HACD2: variants seen among roughly 807,000 people sequenced by gnomAD.
HACD2 encodes 3-hydroxyacyl-CoA dehydratase 2, also known as very-long-chain (3R)-3-hydroxyacyl-CoA dehydratase 2.
A neutral mutation model predicts 31.0 loss-of-function variants in HACD2; 15 were observed. That is an observed-to-expected ratio of 0.48 (90% CI 0.32 to 0.75). HACD2 has a LOEUF of 0.75. HACD2 is among the 30% of genes least tolerant of loss of function. The pLI is 0.03. For synonymous variants in HACD2, 115 were observed against 122.2 expected (o/e 0.94, Z 0.39); for missense variants, 283 against 313.0 (o/e 0.90, Z 0.72).
intron 3 of HACD2, among the ~76,000 whole-genome samples, chr3:123,532,035 G>C (rs1324012900): frequency 1.3e-5 from 2 of 152,100 alleles, no homozygotes; most frequent in African/African-American, 4.8e-5. Context: ...GAAATGTATT[G>C]CCAAACTGCT....
chr3:123,523,928 C>CT (rs2056248646), intron 4 of HACD2, among the ~76,000 whole-genome samples: 1 of 152,228 alleles, frequency 6.6e-6, no homozygotes, highest in Admixed American at 6.5e-5. Flanking sequence ...TCTTCCTCTG[C>CT]TTTAAGGCAG....
At chr3:123,514,311 A>T (rs1407765261) in intron 4 of HACD2, among the ~76,000 whole-genome samples, 1 of 152,088 alleles carries the variant, frequency 6.6e-6, no homozygotes, top group Non-Finnish European at 1.5e-5. Context: ...AGGAAACGAA[A>T]CAAATGAAGT....
Position 123,543,461 on chromosome 3 carries a change from T to C in HACD2, c.293-14987A>G, listed in dbSNP as rs1303951288. 3.4e-4 allele frequency among the ~76,000 whole-genome samples: 52 copies of C among 152,070 alleles called. 1 individual carries two copies. Among genetic ancestry groups the C allele is most frequent in the Admixed American group, 3.4e-3 (52 of 15,280 alleles). The stretch of plus-strand genomic sequence containing the variant: ...AAGAATATTGTTATATCACAAGAAA[T>C]GAGGAAAAACTGTTACCTCTGAGGA... On this transcript the variant is annotated intron_variant, in intron 3 of 6. Transcript: ENST00000383657.
chr3:123,514,107 A>G (rs780035891), intron 4 of HACD2, among the ~76,000 whole-genome samples: 57 of 152,188 alleles, frequency 3.7e-4, no homozygotes, highest in East Asian at 1.9e-4. Flanking sequence ...AAACCCTGCC[A>G]CTACAAAAAA....
At chr3:123,516,320 C>T (rs1244706168) in intron 4 of HACD2, among the ~76,000 whole-genome samples, 5 of 151,674 alleles carry the variant, frequency 3.3e-5, no homozygotes, top group South Asian at 4.2e-4. Context: ...CTGCAACCTC[C>T]GCCTCCCGGG....
intron 3 of HACD2, among the ~76,000 whole-genome samples, chr3:123,541,791 G>A (rs1442079851): frequency 6.6e-6 from 1 of 152,094 alleles, no homozygotes; most frequent in Non-Finnish European, 1.5e-5. Flanking sequence ...ATATAACTAG[G>A]ACAAAATCAA....
chr3:123,530,276 G>C (rs756596273), intron 3 of HACD2, among the ~76,000 whole-genome samples: 6 of 152,174 alleles, frequency 3.9e-5, no homozygotes, highest in Non-Finnish European at 7.4e-5. Flanking sequence ...AAAGAGACCA[G>C]ATTTCACTCT....
chr3:123,581,649 C>T (rs955125977), intron 2 of HACD2, among the ~76,000 whole-genome samples: 1 of 152,168 alleles, frequency 6.6e-6, no homozygotes, highest in African/African-American at 2.4e-5. Context: ...ACTACAGAGG[C>T]CAGAAAATTC....
intron 3 of HACD2, among the ~76,000 whole-genome samples, chr3:123,530,172 G>A (rs993113124): frequency 3.9e-5 from 6 of 152,096 alleles, no homozygotes; most frequent in Non-Finnish European, 7.4e-5. Flanking sequence ...CACCCATATA[G>A]AGGAAGCCTT....
At chr3:123,543,233 T>A (rs1047297596) in intron 3 of HACD2, among the ~76,000 whole-genome samples, 1 of 152,210 alleles carries the variant, frequency 6.6e-6, no homozygotes, top group Non-Finnish European at 1.5e-5. Context: ...TGAAGCCAAT[T>A]TGACCGTCAA....
intron 4 of HACD2, among the ~76,000 whole-genome samples, chr3:123,520,985 G>C (rs2056207353): frequency 6.6e-6 from 1 of 152,126 alleles, no homozygotes; most frequent in Non-Finnish European, 1.5e-5. Flanking sequence ...GTTTCCTAAA[G>C]TGAAAAGTCA....
At chr3:123,505,305 G>A (rs2055960981) in intron 4 of HACD2, among the ~76,000 whole-genome samples, 1 of 152,188 alleles carries the variant, frequency 6.6e-6, no homozygotes, top group Admixed American at 6.5e-5. Context: ...TCCAGTTTGG[G>A]AGGATTAAAA....
intron 3 of HACD2, among the ~76,000 whole-genome samples, chr3:123,545,204 A>T (rs1459540314): frequency 6.7e-6 from 1 of 148,758 alleles, no homozygotes; most frequent in East Asian, 2.0e-4. Context: ...TCTTTTGGTC[A>T]GGCGCAGTGG....
At chr3:123,565,174 C>CT (rs1413641056) in intron 3 of HACD2, among the ~76,000 whole-genome samples, 1 of 152,092 alleles carries the variant, frequency 6.6e-6, no homozygotes, top group Non-Finnish European at 1.5e-5. Flanking sequence ...TTGTCAGAAA[C>CT]TTTATTTCCA....
chr3:123,561,241 G>A (rs1306924031), intron 3 of HACD2, among the ~76,000 whole-genome samples: 1 of 152,112 alleles, frequency 6.6e-6, no homozygotes, highest in African/African-American at 2.4e-5. Flanking sequence ...TCAGTCTGGA[G>A]CCATACGCTA....
At chr3:123,550,447 T>G (rs967020998) in intron 3 of HACD2, among the ~76,000 whole-genome samples, 7 of 151,924 alleles carry the variant, frequency 4.6e-5, no homozygotes, top group African/African-American at 1.7e-4. Flanking sequence ...GGGGGAGATT[T>G]AGAGTAGGGG....
intron 2 of HACD2, among the ~76,000 whole-genome samples, chr3:123,570,720 T>C (rs1383877513): frequency 1.3e-5 from 2 of 152,110 alleles, no homozygotes; most frequent in Non-Finnish European, 2.9e-5. Flanking sequence ...ATACAATCAG[T>C]GTACGGTCTG....
At chr3:123,517,369 G>A (rs774134542) in intron 4 of HACD2, among the ~76,000 whole-genome samples, 11 of 152,164 alleles carry the variant, frequency 7.2e-5, no homozygotes, top group Non-Finnish European at 1.5e-4. Flanking sequence ...CCTCCAAAAA[G>A]CGTGTTACTA....
intron 4 of HACD2, among the ~76,000 whole-genome samples, chr3:123,521,739 C>T (rs960135127): frequency 2.0e-5 from 3 of 152,030 alleles, no homozygotes; most frequent in African/African-American, 7.2e-5. Flanking sequence ...CAAGTGAAAC[C>T]AATTTCCTGA....
Sources: allele counts gnomAD v4.1 joint callset (sites outside exome capture counted in the v4.1 genomes callset), GRCh38; gene constraint gnomAD v4.1.1; transcripts MANE v1.5; gene names NCBI Gene and HGNC (gene_info 2026-07-23, HGNC 2026-07-21).